COL16A1: variants seen among roughly 807,000 people sequenced by gnomAD.
The protein encoded by COL16A1 is collagen alpha-1(XVI) chain.
In COL16A1, 189 loss-of-function variants were observed where a neutral mutation model predicts 266.3. That is an observed-to-expected ratio of 0.71 (90% CI 0.63 to 0.80). The LOEUF is 0.80. COL16A1 is among the 30% of genes least tolerant of loss of function. The pLI is 0.00. For missense variants in COL16A1, 1,928 were observed against 2,122.4 expected (o/e 0.91, Z 1.80); for synonymous variants, 740 against 782.3 (o/e 0.95, Z 0.90).
rs1426971746 is a variant in COL16A1, at chr1:31,699,850, G to A, written c.229C>T (p.Leu77=). The change falls in exon 4 of 71, where the codon CTG becomes TTG. Residue 77 remains leucine (L), a synonymous_variant. Coordinates refer to ENST00000373672, the MANE Select transcript of COL16A1 (RefSeq NM_001856.4). ...KIRNPKGPLI[L]RLGAAPVTQP... is the part of the protein sequence containing the mutation. ...GTCACGGGGGCCGCCCCCAGGCGCA[G>A]GATGAGAGGCCCCTTGGGGTTGCGG... is the stretch of plus-strand genomic sequence containing the variant. 7.4e-6 allele frequency: 12 copies of A among 1,613,880 alleles called. No homozygotes were observed. The highest frequency in any genetic ancestry group is 1.0e-5 in the Non-Finnish European group (12 of 1,179,738).
At chr1:31,675,523 C>T (rs757439382) in intron 42 of COL16A1, among the ~76,000 whole-genome samples, 2 of 152,170 alleles carry the variant, frequency 1.3e-5, no homozygotes, top group African/African-American at 2.4e-5. Flanking sequence ...CCCCCCAAAC[C>T]GTCCAACAGC....
At chr1:31,665,264 A>G (rs376000460) in intron 55 of COL16A1, 30 bp from the exon 56 acceptor site, 11 of 1,582,660 alleles carry the variant, frequency 7.0e-6, no homozygotes, top group Non-Finnish European at 8.5e-6. Flanking sequence ...GGCAGGAATG[A>G]AAGTGGGGCT....
Position 31,689,871 on chromosome 1 carries a change from G to A in COL16A1, c.1510-20C>T, listed in dbSNP as rs11589051. On this transcript the variant is annotated intron_variant, in intron 22 of 70. Transcript: ENST00000373672. ...GTCACCCTAGCAGAAGGGAGAGGCA[G>A]TATGTGGACAGGGTGGGGCTGAGAC... The A allele has an allele frequency of 0.041, 65,748 of 1,608,674 alleles. 2,287 individuals carry two copies. Among genetic ancestry groups the A allele is most frequent in the African/African-American group, 0.19 (13,901 of 74,840 alleles).
intron 21 of COL16A1, 34 bp from the exon 22 acceptor site, chr1:31,690,427 G>C (rs775743401): frequency 6.2e-7 from 1 of 1,614,196 alleles, no homozygotes; most frequent in East Asian, 2.2e-5. Flanking sequence ...ATCAGTGCCA[G>C]GGCAGAGGGC....
At position 31,698,501 on chromosome 1, in the gene COL16A1, A is replaced by G. The variant is rs1246584901; in HGVS notation, c.372T>C (p.Asp124=). The part of the protein sequence containing the change: ...QKTWYLFQVT[D]ANGYPQISLE... ...GGTTCACCTGTGGATACCCATTTGCATCGGTCACTTGAAACAGATACCACG... is the reference window on the plus strand; with the variant it reads ...GGTTCACCTGTGGATACCCATTTGCGTCGGTCACTTGAAACAGATACCACG... Residue 124 remains aspartate (D), a synonymous_variant, in exon 5 of 71, where the codon GAT becomes GAC. Transcript: ENST00000373672. This position sits in a 1 kb window ranked among gnomAD's most constrained non-coding sequence, Gnocchi z 4.1. The G allele has an allele frequency of 6.2e-7, 1 of 1,614,150 alleles. No homozygotes were observed. The highest frequency in any genetic ancestry group is 8.5e-7 in the Non-Finnish European group (1 of 1,180,020).
At position 31,698,468 on chromosome 1, in the gene COL16A1, A is replaced by C; in HGVS notation, c.390+15T>G. ...CAATGCCCTAAGAGGCAATCAGGGC[A>C]CAGGGGAGGTTCACCTGTGGATACC... On this transcript the variant is annotated intron_variant, in intron 5 of 70. Transcript: ENST00000373672. This position sits in a 1 kb window ranked among gnomAD's most constrained non-coding sequence, Gnocchi z 4.1. 3 of 1,614,062 alleles carry C rather than the reference A, an allele frequency of 1.9e-6. No homozygotes were observed. The highest frequency in any genetic ancestry group is 2.5e-6 in the Non-Finnish European group (3 of 1,179,966).
intron 70 of COL16A1, chr1:31,653,360 G>C: frequency 2.2e-6 from 1 of 463,284 alleles, no homozygotes; most frequent in Non-Finnish European, 3.8e-6. Flanking sequence ...CCTCCATGCA[G>C]CTCTCTCCTA....
Position 31,656,960 on chromosome 1 carries a change from T to A in COL16A1, c.4056+73A>T. 1 of 1,597,300 alleles carries A rather than the reference T, an allele frequency of 6.3e-7. No individual in the cohort carries two copies. The highest frequency in any genetic ancestry group is 8.6e-7 in the Non-Finnish European group (1 of 1,166,600). On this transcript the variant is annotated intron_variant, in intron 65 of 70. Coordinates refer to ENST00000373672, the MANE Select transcript of COL16A1 (RefSeq NM_001856.4). This position sits in a 1 kb window ranked among gnomAD's most constrained non-coding sequence, Gnocchi z 4.2. Reference sequence around the variant, plus strand: ...TAGAAGGAATGTTTACTGAAAAAAATGAAGAGGGGTCAGGGCAAGGCGAGG... The same window carrying A: ...TAGAAGGAATGTTTACTGAAAAAAAAGAAGAGGGGTCAGGGCAAGGCGAGG...
intron 61 of COL16A1, 40 bp from the exon 62 acceptor site, chr1:31,660,678 G>A: frequency 6.2e-7 from 1 of 1,613,394 alleles, no homozygotes; most frequent in Middle Eastern, 1.7e-4. Flanking sequence ...CACTGAAACT[G>A]ACTTGCTTGC....
intron 11 of COL16A1, 144 bp downstream of exon 11, chr1:31,695,042 C>T (rs561243996): frequency 3.5e-5 from 29 of 838,662 alleles, no homozygotes; most frequent in Admixed American, 1.9e-4. Flanking sequence ...GGGTTAAGCC[C>T]GGCTCTGGGA....
At chr1:31,689,270 G>T in intron 23 of COL16A1, 185 bp from the exon 24 acceptor site, 1 of 978,166 alleles carries the variant, frequency 1.0e-6, no homozygotes. Context: ...CAGGAGCGTG[G>T]CGGGGGGAAT....
At chr1:31,690,597 C>G (rs766016382) in intron 20 of COL16A1, 24 bp from the exon 21 acceptor site, 1 of 1,612,348 alleles carries the variant, frequency 6.2e-7, no homozygotes, top group African/African-American at 1.3e-5. Flanking sequence ...AAAGGATAAG[C>G]GGGGAGCCTT....
Position 31,661,402 on chromosome 1 carries a change from AC to A in COL16A1, c.3771+11del. ...AGAGATAACCTGCTTGGCAGAGGTC[AC>A]CAGCCCTTACCTTAGGTCCTGGGAG... is the stretch of plus-strand genomic sequence containing the variant. On this transcript the variant is annotated intron_variant, in intron 60 of 70. Coordinates refer to ENST00000373672, the MANE Select transcript of COL16A1 (RefSeq NM_001856.4). 2 of 1,613,988 alleles carry A rather than the reference AC, an allele frequency of 1.2e-6. No homozygotes were observed. Among genetic ancestry groups the A allele is most frequent in the Non-Finnish European group, 1.7e-6 (2 of 1,180,020 alleles).
In COL16A1 at chr1:31,697,402, T is replaced by G. The variant is rs1462134252; in HGVS notation, c.658-102A>C. 1.5e-5 allele frequency: 18 copies of G among 1,194,074 alleles called. No homozygotes were observed. The highest frequency in any genetic ancestry group is 2.1e-5 in the Non-Finnish European group (18 of 851,292). The allele number at this position is 1,194,074 out of a possible 1,614,324, so 74.0% of individuals were successfully genotyped here. A position where few individuals can be genotyped will look rare whatever the true frequency, so the allele number is the denominator to read the frequency against. Reference sequence around the variant, plus strand: ...GATGTCTCTGCCCCAGGATGTGACCTCAGGGTGTTTCCAGTCTGGCCTGGG... The same window carrying G: ...GATGTCTCTGCCCCAGGATGTGACCGCAGGGTGTTTCCAGTCTGGCCTGGG... On this transcript the variant is annotated intron_variant, in intron 6 of 70. Transcript: ENST00000373672. The surrounding 1 kb of genome is among the most constrained non-coding windows in gnomAD (Gnocchi z 4.2).
chr1:31,654,878 C>G lies in COL16A1; in HGVS notation c.4291-20G>C, dbSNP rs777295944. The G allele has an allele frequency of 5.6e-6, 9 of 1,612,746 alleles. No individual in the cohort carries two copies. The highest frequency in any genetic ancestry group is 1.3e-5 in the African/African-American group (1 of 74,742). The stretch of plus-strand genomic sequence containing the variant: ...GTCTCCCTGAAGAAAGAGAAGAAAA[C>G]CTGCCTCAATTATACTTCCAAGCCT... On this transcript the variant is annotated intron_variant, in intron 67 of 70. Coordinates refer to ENST00000373672, the MANE Select transcript of COL16A1 (RefSeq NM_001856.4).
Position 31,668,987 on chromosome 1 carries a change from T to G in COL16A1, c.3196-132A>C. On this transcript the variant is annotated intron_variant, in intron 49 of 70. Transcript: ENST00000373672. This position sits in a 1 kb window ranked among gnomAD's most constrained non-coding sequence, Gnocchi z 5.8. ...GGAGGCCATAGTGGCTCTCGTAGTG[T>G]CCCTAGAAGGTGACCCGTAATGGGT... The G allele has an allele frequency of 3.9e-6, 3 of 765,006 alleles. No homozygotes were observed. The highest frequency in any genetic ancestry group is 6.3e-6 in the Non-Finnish European group (3 of 476,932). 47.4% of individuals were successfully genotyped at this position (765,006 alleles called of 1,614,324 possible).
At chr1:31,683,524 G>A (rs562565009) in intron 34 of COL16A1, among the ~76,000 whole-genome samples, 155 bp from the exon 35 acceptor site, 1 of 152,338 alleles carries the variant, frequency 6.6e-6, no homozygotes, top group Non-Finnish European at 1.5e-5. Flanking sequence ...AGAGGCTGGG[G>A]TCAAAGGCAA....
intron 64 of COL16A1, among the ~76,000 whole-genome samples, chr1:31,658,259 GC>G (rs1339692858): frequency 6.6e-6 from 1 of 152,248 alleles, no homozygotes; most frequent in Non-Finnish European, 1.5e-5. Context: ...GAAGGTTGAT[GC>G]TGAGGCACCG....
chr1:31,683,689 G>T lies in COL16A1; in HGVS notation c.2379+18C>A. On this transcript the variant is annotated intron_variant, in intron 34 of 70. Transcript: ENST00000373672. ...GGAAGTGCTGAGAGGACAGGCAAAGGCAGGGCTAGAGACTCACCTGGGGTC... is the reference window on the plus strand; with the variant it reads ...GGAAGTGCTGAGAGGACAGGCAAAGTCAGGGCTAGAGACTCACCTGGGGTC... 6 of 1,614,066 alleles carry T rather than the reference G, an allele frequency of 3.7e-6. No individual in the cohort carries two copies. The highest frequency in any genetic ancestry group is 5.1e-6 in the Non-Finnish European group (6 of 1,180,000).
Sources: gnomAD v4.1 joint callset for allele counts (sites outside exome capture counted in the v4.1 genomes callset) on GRCh38, gnomAD v4.1.1 for gene constraint, Gnocchi (gnomAD v3.1) non-coding constraint, MANE v1.5 for transcripts, NCBI Gene and HGNC (gene_info 2026-07-23, HGNC 2026-07-21) for gene names.